Variants in PCDHAC2 observed in about 807,000 individuals in gnomAD.
The protein encoded by PCDHAC2 is protocadherin alpha subfamily C, 2.
PCDHAC2 carries 24 observed loss-of-function variants against 63.3 expected under a neutral mutation model. The ratio of observed to expected loss-of-function variants is 0.38; its 90% CI spans 0.27 to 0.53. PCDHAC2 has a LOEUF of 0.53. Among genes scored for constraint, PCDHAC2 ranks in the 20% least tolerant of loss-of-function variants. The pLI, the probability that PCDHAC2 is intolerant of heterozygous loss-of-function variation, is 0.81. For synonymous variants in PCDHAC2, 569 were observed against 529.4 expected, an observed-to-expected ratio of 1.07 and a Z score of -1.03; for missense variants, 1,181 against 1,275.2, an observed-to-expected ratio of 0.93 and a Z score of 1.12.
At chr5:140,995,963 A>G (rs2097706042) in intron 3 of PCDHAC2, among the ~76,000 whole-genome samples, 1 of 152,234 alleles carries the variant, frequency 6.6e-6, no homozygotes, top group Non-Finnish European at 1.5e-5. Context: ...AATGCTTAGA[A>G]CCATGCTTAG....
At chr5:140,969,935 T>C (rs1490184904) in intron 1 of PCDHAC2, among the ~76,000 whole-genome samples, 2 of 152,222 alleles carry the variant, frequency 1.3e-5, no homozygotes, top group Non-Finnish European at 2.9e-5. Context: ...TTAGACATCA[T>C]ACTGAAGCTA....
chr5:140,968,209 C>G lies in PCDHAC2; in HGVS notation c.1443C>G (p.Asn481Lys), dbSNP rs781795931. ...EDSYSIYIQE[N>K]NLPGVLLCTV... ...CCTATTCCATCTACATACAGGAGAA[C>G]AATTTGCCAGGTGTGTTGCTCTGTA... is the stretch of plus-strand genomic sequence containing the variant. The change falls in exon 1 of 4, where the codon AAC (asparagine) becomes AAG (lysine). Residue 481 changes from asparagine to lysine, a missense_variant. Asn to Lys is a moderately conservative substitution (Grantham distance 94, BLOSUM62 0). Coordinates refer to ENST00000289269, the MANE Select transcript of PCDHAC2 (RefSeq NM_018899.6). 5 of 1,614,002 alleles carry G rather than the reference C, an allele frequency of 3.1e-6. No individual in the cohort carries two copies. Among genetic ancestry groups the G allele is most frequent in the Non-Finnish European group, 4.2e-6 (5 of 1,180,036 alleles).
intron 1 of PCDHAC2, among the ~76,000 whole-genome samples, chr5:140,972,087 A>G (rs1372467840): frequency 3.3e-5 from 5 of 152,192 alleles, no homozygotes; most frequent in Non-Finnish European, 7.3e-5. Context: ...AAAAAGAGTA[A>G]TTTCTGGCAT....
chr5:141,009,627 A>G lies in PCDHAC2; in HGVS notation c.2714A>G (p.Glu905Gly), dbSNP rs782179145. 6.2e-7 allele frequency: 1 copy of G among 1,612,842 alleles called. No individual in the cohort carries two copies. The highest frequency in any genetic ancestry group is 1.1e-5 in the South Asian group (1 of 90,980). The change falls in exon 4 of 4, where the codon GAA becomes GGA. Residue 905 changes from glutamate (E) to glycine (G), a missense_variant and splice_region_variant. By Grantham distance (98) the Glu-to-Gly change is moderately conservative (BLOSUM62 -2). Coordinates refer to ENST00000289269, the MANE Select transcript of PCDHAC2 (RefSeq NM_018899.6). Reference protein sequence around the residue: ...QWPTVSSATPEPEAGEVSPPV... With the variant: ...QWPTVSSATPGPEAGEVSPPV... ...TGATTTGTAATGTTTTGTCTTTCAGAACCAGAGGCAGGAGAAGTGTCCCCT... is the reference window on the plus strand; with the variant it reads ...TGATTTGTAATGTTTTGTCTTTCAGGACCAGAGGCAGGAGAAGTGTCCCCT...
intron 3 of PCDHAC2, chr5:140,989,066 C>T (rs2097328502): frequency 6.6e-6 from 1 of 152,200 alleles, no homozygotes; most frequent in South Asian, 2.1e-4. Flanking sequence ...TGAGGCAATA[C>T]AGTCTGGCCT....
rs529585383 is a variant in PCDHAC2 at position 140,982,571 on chromosome 5, G to T, written c.2713+8G>T. 243 of 1,613,888 alleles carry T rather than the reference G, an allele frequency of 1.5e-4. 4 individuals carry two copies. The South Asian group carries it at 2.5e-3, about 17-fold the overall frequency. ...TATCCAGTGCAACACCAGGTAAAGAGCTGGGGTCTCTCCATTCTTTCTTGG... is the reference window on the plus strand; with the variant it reads ...TATCCAGTGCAACACCAGGTAAAGATCTGGGGTCTCTCCATTCTTTCTTGG... On this transcript the variant is annotated splice_region_variant and intron_variant, in intron 3 of 3. Transcript: ENST00000289269.
At chr5:140,976,832 A>G (rs246001) in intron 1 of PCDHAC2, among the ~76,000 whole-genome samples, 14,161 of 152,268 alleles carry the variant, frequency 0.093, 806 homozygotes, top group Middle Eastern at 0.22. Context: ...AATGAGCAAA[A>G]CAGATATAAT....
At chr5:140,980,076 G>A (rs2096875671) in intron 2 of PCDHAC2, among the ~76,000 whole-genome samples, 1 of 152,214 alleles carries the variant, frequency 6.6e-6, no homozygotes, top group South Asian at 2.1e-4. Flanking sequence ...AAGGGCTGAA[G>A]ATTAGTAGTT....
intron 3 of PCDHAC2, among the ~76,000 whole-genome samples, chr5:140,990,741 G>A (rs528078912): frequency 4.3e-4 from 65 of 152,270 alleles, no homozygotes; most frequent in African/African-American, 1.2e-3. Context: ...ACAGCCCTAG[G>A]GTGGATACCT....
rs1234453098 is a variant in PCDHAC2, at chr5:141,010,058, C to A, written c.*121C>A. 2 of 1,600,982 alleles carry A rather than the reference C, an allele frequency of 1.2e-6. No homozygotes were observed. The highest frequency in any genetic ancestry group is 1.7e-6 in the Non-Finnish European group (2 of 1,173,736). Reference sequence around the variant, plus strand: ...GAGCCCTCTTAGAGACCTCAGAAATCTGCAGAAAGTTCCCTGTGTCTGTCT... The same window carrying A: ...GAGCCCTCTTAGAGACCTCAGAAATATGCAGAAAGTTCCCTGTGTCTGTCT... On this transcript the variant is annotated 3_prime_UTR_variant, in exon 4 of 4. Transcript: ENST00000289269.
At chr5:141,005,437 C>T (rs1469007749) in intron 3 of PCDHAC2, among the ~76,000 whole-genome samples, 4 of 152,092 alleles carry the variant, frequency 2.6e-5, no homozygotes, top group African/African-American at 7.2e-5. Context: ...GGATGAGAGG[C>T]TCACGCCTGT....
Position 140,967,624 on chromosome 5 carries a change from G to C in PCDHAC2, c.858G>C (p.Glu286Asp), listed in dbSNP as rs950749188. The change falls in exon 1 of 4, where the codon GAG (glutamate) becomes GAC (aspartate). Residue 286 changes from glutamate (E) to aspartate (D), a missense_variant. By Grantham distance (45) the Glu-to-Asp change is conservative (BLOSUM62 2). This residue lies in a region of PCDHAC2 where 968 missense variants were observed against 1,073.5 expected (regional missense o/e 0.90). Transcript: ENST00000289269. ...AGCTGAATGCCTCAGACCCGGATGAGGGCTCCAATGGTGAGCTCAGGTACT... is the reference window on the plus strand; with the variant it reads ...AGCTGAATGCCTCAGACCCGGATGACGGCTCCAATGGTGAGCTCAGGTACT... ...VVKLNASDPD[E>D]GSNGELRYSL... The C allele has an allele frequency of 6.2e-7, 1 of 1,614,158 alleles. No homozygotes were observed. Among genetic ancestry groups the C allele is most frequent in the Non-Finnish European group, 8.5e-7 (1 of 1,180,026 alleles).
chr5:140,996,785 C>G (rs1423473534), intron 3 of PCDHAC2, among the ~76,000 whole-genome samples: 2 of 152,148 alleles, frequency 1.3e-5, no homozygotes, highest in Admixed American at 6.5e-5. Context: ...TAGTGCCTCA[C>G]TCCCTACATC....
chr5:140,968,401 C>A lies in PCDHAC2; in HGVS notation c.1635C>A (p.Phe545Leu). The change falls in exon 1 of 4, where the codon TTC becomes TTA. Residue 545 changes from phenylalanine to leucine, a missense_variant. By Grantham distance (22) the Phe-to-Leu change is conservative (BLOSUM62 0). This residue lies in a region of PCDHAC2 where 968 missense variants were observed against 1,073.5 expected (regional missense o/e 0.90). Transcript: ENST00000289269. ...NSFDYEKFRE[F>L]FVTVEAQDKG... ...TTGACTATGAGAAGTTTCGGGAGTT[C>A]TTTGTGACTGTGGAGGCTCAGGACA... 2.5e-6 allele frequency: 4 copies of A among 1,613,984 alleles called. No individual in the cohort carries two copies. The highest frequency in any genetic ancestry group is 2.5e-6 in the Non-Finnish European group (3 of 1,180,008).
intron 3 of PCDHAC2, among the ~76,000 whole-genome samples, chr5:140,996,991 T>C (rs191353108): frequency 1.6e-4 from 25 of 152,346 alleles, no homozygotes; most frequent in African/African-American, 5.3e-4. Flanking sequence ...GCAACCACTG[T>C]TAACAATTTT....
At chr5:141,001,261 CTT>C (rs1437571267) in intron 3 of PCDHAC2, among the ~76,000 whole-genome samples, 1 of 152,062 alleles carries the variant, frequency 6.6e-6, no homozygotes, top group East Asian at 1.9e-4. Flanking sequence ...GGCGGGCACT[CTT>C]ATGAACTTTT....
At chr5:141,003,081 T>C (rs2098110268) in intron 3 of PCDHAC2, among the ~76,000 whole-genome samples, 1 of 152,238 alleles carries the variant, frequency 6.6e-6, no homozygotes, top group Admixed American at 6.5e-5. Context: ...AGGGTGAGTT[T>C]AACAGGCCTG....
At chr5:140,999,454 A>G (rs1467435215) in intron 3 of PCDHAC2, among the ~76,000 whole-genome samples, 1 of 152,206 alleles carries the variant, frequency 6.6e-6, no homozygotes, top group African/African-American at 2.4e-5. Context: ...CGTTCAACGA[A>G]TAAGTGGTGA....
Position 140,968,818 on chromosome 5 carries a change from T to C in PCDHAC2, c.2052T>C (p.Val684=). The change falls in exon 1 of 4, where the codon GTT becomes GTC. Residue 684 remains valine (V), a synonymous_variant. Transcript: ENST00000289269. ...TTACAGTAGCTGTGGTGGATAGGGT[T>C]TCCAAAATCCTCCCTGACACTCAGA... ...VAITVAVVDR[V]SKILPDTQRH... is the part of the protein sequence containing the mutation. 6.2e-7 allele frequency: 1 copy of C among 1,614,188 alleles called. No individual in the cohort carries two copies. Among genetic ancestry groups the C allele is most frequent in the South Asian group, 1.1e-5 (1 of 91,084 alleles).
Sources: gnomAD v4.1 joint callset for allele counts (sites outside exome capture counted in the v4.1 genomes callset) on GRCh38, gnomAD v4.1.1 for gene constraint, gnomAD v4.1.1 regional missense constraint, MANE v1.5 for transcripts, NCBI Gene and HGNC (gene_info 2026-07-23, HGNC 2026-07-21) for gene names.